The following GAN variants were observed in gnomAD, a reference collection of about 807,000 sequenced individuals.
The protein encoded by GAN is gigaxonin.
In GAN, 48 loss-of-function variants were observed where a neutral mutation model predicts 71.3. The ratio of observed to expected loss-of-function variants is 0.67; its 90% CI spans 0.53 to 0.86. The LOEUF (loss-of-function observed/expected upper bound fraction) is 0.86, where lower values mean the gene tolerates loss of function less well. GAN is among the 40% of genes least tolerant of loss of function. GAN has a pLI of 0.00. For missense variants in GAN, 928 were observed against 770.1 expected, an observed-to-expected ratio of 1.21 and a Z score of -2.43; for synonymous variants, 386 against 276.8, an observed-to-expected ratio of 1.39 and a Z score of -3.92.
intron 9 of GAN, among the ~76,000 whole-genome samples, chr16:81,375,777 G>A (rs1447570753): frequency 6.6e-6 from 1 of 151,924 alleles, no homozygotes; most frequent in Non-Finnish European, 1.5e-5. Flanking sequence ...ATCAGCCTGG[G>A]TAGCATGGTG....
chr16:81,365,349 G>A lies in GAN; in HGVS notation c.1374-1G>A. ...TGATAACGCTGTGTGTGGCCTTTCA[G>A]GTTTGGAGCGGTGGCCTGTGGAGTT... On this transcript the variant is annotated splice_acceptor_variant, in intron 8 of 10. Coordinates refer to ENST00000648994, the MANE Select transcript of GAN (RefSeq NM_022041.4). LOFTEE classifies it high-confidence loss of function. The A allele has an allele frequency of 1.2e-6, 2 of 1,613,968 alleles. No homozygotes were observed. Among genetic ancestry groups the A allele is most frequent in the Non-Finnish European group, 8.5e-7 (1 of 1,180,002 alleles).
At position 81,377,789 on chromosome 16, in the gene GAN, A is replaced by G. The variant is rs1904287113; in HGVS notation, c.*193A>G. Reference sequence around the variant, plus strand: ...GAGAACACGTAACTGTTGAAAAACTACCTGGGAGGAGTGAGTTCCTCCAGT... The same window carrying G: ...GAGAACACGTAACTGTTGAAAAACTGCCTGGGAGGAGTGAGTTCCTCCAGT... On this transcript the variant is annotated 3_prime_UTR_variant, in exon 11 of 11. Transcript: ENST00000648994. 2.1e-5 allele frequency: 13 copies of G among 616,356 alleles called. 1 individual carries two copies. The Middle Eastern group carries it at 1.8e-3, about 83-fold the overall frequency. The allele number at this position is 616,356 out of a possible 1,614,324, so 38.2% of individuals were successfully genotyped here. A position where few individuals can be genotyped will look rare whatever the true frequency, so the allele number is the denominator to read the frequency against.
At chr16:81,353,291 C>CAAAAAAAAAA (rs11464814) in intron 2 of GAN, among the ~76,000 whole-genome samples, 30 of 132,658 alleles carry the variant, frequency 2.3e-4, no homozygotes, top group African/African-American at 8.8e-4. Context: ...GACTCCGTCT[C>CAAAAAAAAAA]AAAAAAAAAA....
intron 2 of GAN, among the ~76,000 whole-genome samples, chr16:81,353,738 A>G (rs748196137): frequency 5.4e-4 from 83 of 152,298 alleles, no homozygotes; most frequent in South Asian, 4.4e-3. Flanking sequence ...TGGAGGAAGA[A>G]GCATTAGTCA....
At chr16:81,356,327 T>C (rs957870437) in intron 3 of GAN, among the ~76,000 whole-genome samples, 38 of 152,148 alleles carry the variant, frequency 2.5e-4, no homozygotes, top group African/African-American at 8.9e-4. Context: ...TTTTTTAAAC[T>C]TTGGCTTTTG....
intron 2 of GAN, among the ~76,000 whole-genome samples, chr16:81,352,014 T>A (rs905061747): frequency 1.3e-5 from 2 of 152,206 alleles, no homozygotes; most frequent in African/African-American, 4.8e-5. Context: ...GGTTTTTGCT[T>A]TGGAATCCCG....
chr16:81,331,079 C>A (rs1005369904), intron 1 of GAN, among the ~76,000 whole-genome samples: 2 of 152,180 alleles, frequency 1.3e-5, no homozygotes, highest in African/African-American at 4.8e-5. Flanking sequence ...GTGGCGCACA[C>A]CTGTAGTCCC....
At chr16:81,353,861 G>T (rs1021266623) in intron 2 of GAN, among the ~76,000 whole-genome samples, 3 of 152,132 alleles carry the variant, frequency 2.0e-5, no homozygotes, top group African/African-American at 7.2e-5. Flanking sequence ...GTATCTGTCT[G>T]TGTACCAAAT....
intron 5 of GAN, among the ~76,000 whole-genome samples, chr16:81,361,610 T>C (rs931776047): frequency 6.6e-6 from 1 of 152,264 alleles, no homozygotes; most frequent in Non-Finnish European, 1.5e-5. Context: ...AAAATGGTTT[T>C]CATGCTTGAT....
intron 1 of GAN, among the ~76,000 whole-genome samples, chr16:81,335,351 C>G (rs1597393231): frequency 6.6e-6 from 1 of 152,228 alleles, no homozygotes; most frequent in East Asian, 1.9e-4. Flanking sequence ...CACAGTGGCT[C>G]ACACCTGTAA....
At chr16:81,340,919 T>C (rs546385944) in intron 1 of GAN, among the ~76,000 whole-genome samples, 5 of 152,106 alleles carry the variant, frequency 3.3e-5, no homozygotes, top group South Asian at 4.1e-4. Context: ...AATGGCTAAC[T>C]AGAATAACCA....
chr16:81,347,719 T>C (rs547394726), intron 1 of GAN, among the ~76,000 whole-genome samples: 21 of 152,352 alleles, frequency 1.4e-4, no homozygotes, highest in Admixed American at 7.2e-4. Context: ...TAATTTCTTC[T>C]TTATTATTTA....
chr16:81,338,524 C>G (rs978624534), intron 1 of GAN, among the ~76,000 whole-genome samples: 1 of 151,862 alleles, frequency 6.6e-6, no homozygotes, highest in East Asian at 1.9e-4. Flanking sequence ...TGAGAAAATT[C>G]TAGATAAAAA....
intron 1 of GAN, among the ~76,000 whole-genome samples, chr16:81,334,208 CAAG>C (rs1909678591): frequency 6.6e-6 from 1 of 152,082 alleles, no homozygotes; most frequent in South Asian, 2.1e-4. Context: ...GATGTGATAT[CAAG>C]AGGAGAATGG....
intron 2 of GAN, among the ~76,000 whole-genome samples, chr16:81,353,065 G>C (rs1322748594): frequency 2.0e-5 from 3 of 152,196 alleles, no homozygotes; most frequent in Non-Finnish European, 4.4e-5. Flanking sequence ...GCCGAGGCGG[G>C]TGGATCACGA....
chr16:81,337,372 A>G (rs1245232535), intron 1 of GAN, among the ~76,000 whole-genome samples: 1 of 152,196 alleles, frequency 6.6e-6, no homozygotes, highest in Non-Finnish European at 1.5e-5. Context: ...ATTCTCTTGC[A>G]TTCTATTTAA....
At chr16:81,339,991 G>T (rs1374832508) in intron 1 of GAN, among the ~76,000 whole-genome samples, 1 of 152,166 alleles carries the variant, frequency 6.6e-6, no homozygotes. Context: ...CACATTTTAT[G>T]GAAGTCTGAA....
intron 1 of GAN, among the ~76,000 whole-genome samples, chr16:81,325,648 A>C (rs1013589260): frequency 1.3e-5 from 2 of 152,234 alleles, no homozygotes; most frequent in African/African-American, 4.8e-5. Flanking sequence ...GCACTGGGAC[A>C]GTGTCCTAGG....
intron 1 of GAN, among the ~76,000 whole-genome samples, chr16:81,345,144 CTG>C (rs927350503): frequency 2.0e-5 from 3 of 152,194 alleles, no homozygotes; most frequent in Admixed American, 6.5e-5. Context: ...CACTTTTACA[CTG>C]TTGGTGGTAG....
Sources: gnomAD v4.1 joint callset for allele counts (sites outside exome capture counted in the v4.1 genomes callset) on GRCh38, gnomAD v4.1.1 for gene constraint, MANE v1.5 for transcripts, NCBI Gene and HGNC (gene_info 2026-07-23, HGNC 2026-07-21) for gene names.